PDE4B: variants seen among roughly 807,000 people sequenced by gnomAD.
PDE4B encodes the protein phosphodiesterase 4B.
Under a neutral mutation model 82.2 loss-of-function variants are expected in PDE4B, and 20 were observed. The ratio of observed to expected loss-of-function variants is 0.24; its 90% CI spans 0.17 to 0.35. PDE4B has a LOEUF of 0.35. PDE4B is among the 10% of genes least tolerant of loss of function. The pLI, the probability that PDE4B is intolerant of heterozygous loss-of-function variation, is 1.00. For missense variants in PDE4B, 655 were observed against 907.2 expected (o/e 0.72, Z 3.57); for synonymous variants, 320 against 318.9 (o/e 1.00, Z -0.04).
intron 3 of PDE4B, among the ~76,000 whole-genome samples, chr1:66,106,047 G>A (rs1645345522): frequency 6.6e-6 from 1 of 151,862 alleles, no homozygotes; most frequent in South Asian, 2.1e-4. Context: ...TCCAGTTTGT[G>A]CCCATTCAGT....
intron 3 of PDE4B, among the ~76,000 whole-genome samples, chr1:66,096,508 T>TCATATA (rs59931848): frequency 0.063 from 6,708 of 107,048 alleles, 741 homozygotes; most frequent in East Asian, 0.15. Flanking sequence ...GTAAAAAAAA[T>TCATATA]TATATATATA....
chr1:66,148,647 A>G (rs1354252791), intron 3 of PDE4B, among the ~76,000 whole-genome samples: 2 of 152,284 alleles, frequency 1.3e-5, no homozygotes, highest in Admixed American at 1.3e-4. Context: ...TTCACTCTCC[A>G]TGAGCATTCA....
intron 3 of PDE4B, among the ~76,000 whole-genome samples, chr1:66,052,699 G>A (rs1655105612): frequency 6.6e-6 from 1 of 152,096 alleles, no homozygotes; most frequent in Non-Finnish European, 1.5e-5. Flanking sequence ...TGTGATGTGT[G>A]TAGGGTGGTA....
chr1:65,848,335 G>A (rs1041680080), intron 1 of PDE4B, among the ~76,000 whole-genome samples: 2 of 152,094 alleles, frequency 1.3e-5, no homozygotes, highest in South Asian at 2.1e-4. Flanking sequence ...TAGTAGAGAC[G>A]GGATTTCACC....
At chr1:66,109,005 C>T (rs1347690165) in intron 3 of PDE4B, among the ~76,000 whole-genome samples, 1 of 151,930 alleles carries the variant, frequency 6.6e-6, no homozygotes, top group Non-Finnish European at 1.5e-5. Flanking sequence ...TCAATGTCTT[C>T]ACTGTAGTAT....
intron 3 of PDE4B, among the ~76,000 whole-genome samples, chr1:66,213,588 T>A (rs945998679): frequency 2.0e-5 from 3 of 152,180 alleles, no homozygotes; most frequent in Non-Finnish European, 4.4e-5. Context: ...CTTTTAGGAT[T>A]TCCTCTCTGA....
chr1:66,008,168 G>A (rs1652258243), intron 3 of PDE4B, among the ~76,000 whole-genome samples: 1 of 152,122 alleles, frequency 6.6e-6, no homozygotes, highest in South Asian at 2.1e-4. Context: ...CATTAAACTA[G>A]AAGAATTAAT....
At chr1:66,371,015 T>G (rs1433088049) in intron 16 of PDE4B, among the ~76,000 whole-genome samples, 1 of 134,498 alleles carries the variant, frequency 7.4e-6, no homozygotes, top group Non-Finnish European at 1.6e-5. Flanking sequence ...AGAAGAAGAA[T>G]AAGAAAATAT....
intron 13 of PDE4B, among the ~76,000 whole-genome samples, chr1:66,366,628 G>A (rs1287228613): frequency 6.6e-6 from 1 of 152,072 alleles, no homozygotes; most frequent in Admixed American, 6.6e-5. Flanking sequence ...AGTACACTGG[G>A]TCCTTTTACT....
At chr1:65,796,572 G>T (rs892579578) in intron 1 of PDE4B, among the ~76,000 whole-genome samples, 4 of 149,590 alleles carry the variant, frequency 2.7e-5, no homozygotes, top group Non-Finnish European at 5.9e-5. Flanking sequence ...GGTTCTTTTT[G>T]CAGCTTATGC....
intron 3 of PDE4B, among the ~76,000 whole-genome samples, chr1:66,123,687 A>T (rs1237146038): frequency 6.6e-6 from 1 of 152,008 alleles, no homozygotes; most frequent in African/African-American, 2.4e-5. Context: ...CCCTCAATTC[A>T]TCAAATAAAA....
intron 3 of PDE4B, among the ~76,000 whole-genome samples, chr1:66,179,214 A>G (rs929421681): frequency 1.4e-4 from 22 of 152,292 alleles, no homozygotes; most frequent in African/African-American, 4.6e-4. Flanking sequence ...CAGCCTTACC[A>G]TGGAAACTCA....
intron 1 of PDE4B, among the ~76,000 whole-genome samples, chr1:65,898,431 C>A (rs1196403887): frequency 3.3e-5 from 5 of 151,252 alleles, no homozygotes; most frequent in African/African-American, 1.2e-4. Flanking sequence ...GGGTATTTCC[C>A]CACCATCATT....
intron 3 of PDE4B, among the ~76,000 whole-genome samples, chr1:65,961,930 AGTCTG>A (rs1339813295): frequency 1.3e-5 from 2 of 152,182 alleles, no homozygotes; most frequent in African/African-American, 4.8e-5. Flanking sequence ...GCGGCTGAAG[AGTCTG>A]TAGCATGCGA....
intron 3 of PDE4B, among the ~76,000 whole-genome samples, chr1:65,936,072 A>G (rs533422738): frequency 3.9e-4 from 60 of 152,178 alleles, no homozygotes; most frequent in African/African-American, 1.4e-3. Context: ...TTTTTTGTTA[A>G]AAACGAAGAC....
At chr1:66,165,404 T>A (rs765448170) in intron 3 of PDE4B, among the ~76,000 whole-genome samples, 1 of 152,162 alleles carries the variant, frequency 6.6e-6, no homozygotes, top group Non-Finnish European at 1.5e-5. Context: ...AAATGCATTT[T>A]TCCTCCTTTA....
chr1:65,829,236 T>G (rs1646053507), intron 1 of PDE4B, among the ~76,000 whole-genome samples: 1 of 152,184 alleles, frequency 6.6e-6, no homozygotes, highest in African/African-American at 2.4e-5. Flanking sequence ...CATTGCCTAA[T>G]AATAATGGAG....
chr1:66,136,926 A>C (rs1646070897), intron 3 of PDE4B, among the ~76,000 whole-genome samples: 1 of 152,094 alleles, frequency 6.6e-6, no homozygotes, highest in South Asian at 2.1e-4. Context: ...AACATATGGG[A>C]TGTTGTGAAG....
chr1:66,038,844 G>A (rs777739736), intron 3 of PDE4B, among the ~76,000 whole-genome samples: 2 of 152,076 alleles, frequency 1.3e-5, no homozygotes, highest in South Asian at 2.1e-4. Context: ...GTCATGAATC[G>A]AGATAGCTTA....
Sources: allele counts gnomAD v4.1 joint callset (sites outside exome capture counted in the v4.1 genomes callset), GRCh38; gene constraint gnomAD v4.1.1; transcripts MANE v1.5; gene names NCBI Gene and HGNC (gene_info 2026-07-23, HGNC 2026-07-21).